The following CNTLN variants were observed in gnomAD, a reference collection of about 807,000 sequenced individuals.
CNTLN encodes centlein, also known as centlein, centrosomal protein.
A neutral mutation model predicts 180.0 loss-of-function variants in CNTLN; 212 were observed. The observed-to-expected ratio is 1.18, with a 90% CI of 1.05 to 1.32. The LOEUF is 1.32. CNTLN is among the 40% of genes most tolerant of loss of function. CNTLN has a pLI of 0.00. For missense variants in CNTLN, 2,095 were observed against 1,610.9 expected (o/e 1.30, Z -5.14); for synonymous variants, 722 against 563.1 (o/e 1.28, Z -3.99).
chr9:17,289,014 A>G (rs1225050632), intron 6 of CNTLN, among the ~76,000 whole-genome samples: 2 of 123,098 alleles, frequency 1.6e-5, no homozygotes, highest in African/African-American at 7.2e-5. Context: ...TTACATTTAA[A>G]GTTAATATTG....
intron 13 of CNTLN, among the ~76,000 whole-genome samples, chr9:17,367,991 T>A (rs1823975853): frequency 6.6e-6 from 1 of 152,104 alleles, no homozygotes; most frequent in South Asian, 2.1e-4. Context: ...TAATTTGTCT[T>A]GCACCTTAGG....
intron 25 of CNTLN, among the ~76,000 whole-genome samples, chr9:17,489,463 G>C (rs528562706): frequency 2.8e-4 from 43 of 152,048 alleles, no homozygotes; most frequent in African/African-American, 9.2e-4. Context: ...TCCTCTCTGT[G>C]TGTTGGGTGC....
chr9:17,453,935 T>A (rs1021126178), intron 18 of CNTLN, among the ~76,000 whole-genome samples: 4 of 152,328 alleles, frequency 2.6e-5, no homozygotes, highest in Non-Finnish European at 5.9e-5. Flanking sequence ...AAAAGCTTGC[T>A]TTTGATTAGC....
chr9:17,484,072 G>A (rs1326473044), intron 23 of CNTLN, among the ~76,000 whole-genome samples: 1 of 152,114 alleles, frequency 6.6e-6, no homozygotes, highest in South Asian at 2.1e-4. Flanking sequence ...AGGGATGGGG[G>A]AGCTTTGCTT....
intron 12 of CNTLN, among the ~76,000 whole-genome samples, chr9:17,354,112 A>C (rs1161949831): frequency 6.6e-6 from 1 of 152,202 alleles, no homozygotes; most frequent in Non-Finnish European, 1.5e-5. Flanking sequence ...TGGGTCCCGC[A>C]GCAGTGCCAG....
chr9:17,428,207 G>C (rs538173104), intron 18 of CNTLN, among the ~76,000 whole-genome samples: 6 of 152,078 alleles, frequency 3.9e-5, no homozygotes, highest in Admixed American at 6.6e-5. Context: ...GAGTCCTCTT[G>C]CACTTTTCAA....
intron 2 of CNTLN, among the ~76,000 whole-genome samples, chr9:17,152,304 A>G (rs927630969): frequency 1.3e-5 from 2 of 152,156 alleles, no homozygotes; most frequent in African/African-American, 4.8e-5. Flanking sequence ...ATTTAGTACT[A>G]TAAATTCCCC....
intron 18 of CNTLN, among the ~76,000 whole-genome samples, chr9:17,430,140 C>G (rs1198983237): frequency 1.3e-5 from 2 of 151,894 alleles, no homozygotes; most frequent in African/African-American, 4.8e-5. Flanking sequence ...GATTCTATAA[C>G]TTTTAAATGT....
intron 18 of CNTLN, among the ~76,000 whole-genome samples, chr9:17,454,619 C>G (rs1480453932): frequency 1.3e-5 from 2 of 152,194 alleles, no homozygotes; most frequent in African/African-American, 4.8e-5. Context: ...ATGTAGTAGC[C>G]TTTACCACAA....
intron 2 of CNTLN, among the ~76,000 whole-genome samples, chr9:17,196,591 A>T (rs1418152810): frequency 2.6e-5 from 4 of 151,812 alleles, no homozygotes; most frequent in South Asian, 2.1e-4. Flanking sequence ...AATAAGACTT[A>T]TATGAATATT....
intron 7 of CNTLN, among the ~76,000 whole-genome samples, chr9:17,306,026 C>G (rs887519263): frequency 2.0e-5 from 3 of 152,046 alleles, no homozygotes; most frequent in African/African-American, 7.2e-5. Flanking sequence ...CCAGTGTAGT[C>G]TTACACACCT....
chr9:17,494,154 G>C (rs1029766015), intron 25 of CNTLN, among the ~76,000 whole-genome samples: 3 of 152,168 alleles, frequency 2.0e-5, no homozygotes, highest in Non-Finnish European at 4.4e-5. Context: ...CTCAAACTTA[G>C]TATGCTAGTG....
intron 25 of CNTLN, among the ~76,000 whole-genome samples, chr9:17,492,806 T>C (rs919083699): frequency 3.3e-5 from 5 of 152,086 alleles, no homozygotes; most frequent in Non-Finnish European, 7.4e-5. Context: ...AACAGCGTTG[T>C]TGACAATAGC....
In CNTLN at chr9:17,300,456, A is replaced by G. The variant is rs552540468; in HGVS notation, c.1146+2104A>G. 3.3e-5 allele frequency: 5 copies of G among 152,288 alleles called. No individual in the cohort carries two copies. In the South Asian group the frequency reaches 6.2e-4, roughly 19 times the overall value. 9.4% of individuals were successfully genotyped at this position (152,288 alleles called of 1,614,324 possible). The stretch of plus-strand genomic sequence containing the variant: ...GCATCTCATACTGAACGTGTTCAAA[A>G]CAAAGCTATTGCCTTTTATGTTTTC... On this transcript the variant is annotated intron_variant, in intron 7 of 25. Transcript: ENST00000380647.
At position 17,491,970 on chromosome 9, in the gene CNTLN, A is replaced by G. The variant is rs573505727; in HGVS notation, c.4119+4904A>G. ...CTCTGAAGCCATTTACTCTGTGGTT[A>G]TTTCCTGTGTTGCACTTATAACAAA... is the stretch of plus-strand genomic sequence containing the variant. On this transcript the variant is annotated intron_variant, in intron 25 of 25. Transcript: ENST00000380647. Among the ~76,000 whole-genome samples, 17 of 150,524 alleles carry G rather than the reference A, an allele frequency of 1.1e-4. No homozygotes were observed. In the South Asian group the frequency reaches 1.7e-3, roughly 15 times the overall value.
At position 17,415,806 on chromosome 9, in the gene CNTLN, A is replaced by T; in HGVS notation, c.2815A>T (p.Asn939Tyr). The change falls in exon 17 of 26, where the codon AAT (asparagine) becomes TAT (tyrosine). Residue 939 changes from asparagine (N) to tyrosine (Y), a missense_variant. Physicochemically the swap from Asn to Tyr is moderately radical, Grantham distance 143. Transcript: ENST00000380647. Reference protein sequence around the residue: ...KTPKDYFHDKNAKKPTFQKKN... With the variant: ...KTPKDYFHDKYAKKPTFQKKN... The stretch of plus-strand genomic sequence containing the variant: ...AATTTAGGACTATTTTCATGATAAG[A>T]ATGCCAAAAAACCAACTTTTCAAAA... The T allele has an allele frequency of 1.2e-6, 2 of 1,608,530 alleles. No homozygotes were observed. The highest frequency in any genetic ancestry group is 1.7e-6 in the Non-Finnish European group (2 of 1,175,958).
At chr9:17,233,537 T>C (rs1735124102) in intron 3 of CNTLN, among the ~76,000 whole-genome samples, 1 of 152,148 alleles carries the variant, frequency 6.6e-6, no homozygotes, top group African/African-American at 2.4e-5. Flanking sequence ...GTCTGCAGTT[T>C]GAAAAACACT....
chr9:17,371,464 A>G (rs114248223), intron 13 of CNTLN, among the ~76,000 whole-genome samples: 367 of 152,294 alleles, frequency 2.4e-3, no homozygotes, highest in African/African-American at 8.2e-3. Flanking sequence ...ACCCAGATAT[A>G]TAAAGCAAAT....
chr9:17,204,633 T>TCAGA (rs960276324), intron 2 of CNTLN, among the ~76,000 whole-genome samples: 1 of 152,150 alleles, frequency 6.6e-6, no homozygotes, highest in Non-Finnish European at 1.5e-5. Context: ...TTTCTCCCAG[T>TCAGA]CAGAAGGCAT....
Sources: allele counts gnomAD v4.1 joint callset (sites outside exome capture counted in the v4.1 genomes callset), GRCh38; gene constraint gnomAD v4.1.1; transcripts MANE v1.5; gene names NCBI Gene and HGNC (gene_info 2026-07-23, HGNC 2026-07-21).